The following SH3BGRL variants were observed in gnomAD, a reference collection of about 807,000 sequenced individuals.
The protein encoded by SH3BGRL is SH3 domain binding glutamate rich protein like, also known as adapter SH3BGRL.
In SH3BGRL, 7 loss-of-function variants were observed where a neutral mutation model predicts 9.8. The ratio of observed to expected loss-of-function variants is 0.72; its 90% confidence interval spans 0.41 to 1.35. The LOEUF is 1.35. Ranked by LOEUF, SH3BGRL falls within the 40% of genes most tolerant of loss-of-function variation. The pLI, the probability that SH3BGRL is intolerant of heterozygous loss-of-function variation, is 0.01. For synonymous variants in SH3BGRL, 36 were observed against 29.1 expected, an observed-to-expected ratio of 1.24 and a Z score of -0.76; for missense variants, 73 against 84.4, an observed-to-expected ratio of 0.86 and a Z score of 0.53.
At chrX:81,210,067 CT>C (rs1171837278) in intron 1 of SH3BGRL, among the ~76,000 whole-genome samples, 1 of 111,331 alleles carries the variant, frequency 9.0e-6, no homozygotes, top group Non-Finnish European at 1.9e-5. Flanking sequence ...ATTTCTGTCC[CT>C]TTGGCTTAGT....
chrX:81,236,783 A>T (rs947614813), intron 1 of SH3BGRL, among the ~76,000 whole-genome samples: 15 of 111,517 alleles, frequency 1.3e-4, no homozygotes, highest in Non-Finnish European at 2.3e-4. Flanking sequence ...GGAACCAATT[A>T]CCATTTAAGT....
chrX:81,275,472 C>G (rs1351275493), intron 1 of SH3BGRL, among the ~76,000 whole-genome samples: 1 of 111,716 alleles, frequency 9.0e-6, no homozygotes, highest in East Asian at 2.8e-4. Flanking sequence ...CGACAAATTA[C>G]TTGACACAAT....
intron 1 of SH3BGRL, among the ~76,000 whole-genome samples, chrX:81,257,150 T>C (rs1468053197): frequency 9.0e-6 from 1 of 111,642 alleles, no homozygotes. Context: ...ATTAACAATC[T>C]AGCTTATTTT....
chrX:81,219,938 T>G (rs1190337532), intron 1 of SH3BGRL, among the ~76,000 whole-genome samples: 1 of 111,840 alleles, frequency 8.9e-6, no homozygotes, highest in African/African-American at 3.2e-5. Flanking sequence ...TTGCATCTGT[T>G]GAACCATCTT....
chrX:81,257,107 T>G (rs2075727599), intron 1 of SH3BGRL, among the ~76,000 whole-genome samples: 1 of 111,832 alleles, frequency 8.9e-6, no homozygotes, highest in Non-Finnish European at 1.9e-5. Context: ...TAGCAGGCAC[T>G]AGATAACATG....
At chrX:81,292,717 C>T (rs1212725986) in intron 3 of SH3BGRL, among the ~76,000 whole-genome samples, 3 of 111,735 alleles carry the variant, frequency 2.7e-5, no homozygotes, top group Admixed American at 9.5e-5. Context: ...CAATTTCAGA[C>T]CATTTCTTTG....
intron 3 of SH3BGRL, among the ~76,000 whole-genome samples, chrX:81,289,324 G>A (rs1297008969): frequency 9.0e-6 from 1 of 111,620 alleles, no homozygotes; most frequent in Non-Finnish European, 1.9e-5. Flanking sequence ...ATGACTACAA[G>A]AAAACACTGT....
chrX:81,244,623 A>T (rs948499366), intron 1 of SH3BGRL, among the ~76,000 whole-genome samples: 3 of 112,128 alleles, frequency 2.7e-5, no homozygotes, highest in Non-Finnish European at 5.6e-5. Context: ...TCTGATTAAC[A>T]GCTTTAAGAA....
At chrX:81,234,455 C>T (rs2075641768) in intron 1 of SH3BGRL, among the ~76,000 whole-genome samples, 1 of 111,866 alleles carries the variant, frequency 8.9e-6, no homozygotes. Context: ...GATTATTTTG[C>T]ATTCAAATAT....
intron 1 of SH3BGRL, among the ~76,000 whole-genome samples, chrX:81,213,153 G>C (rs1015407806): frequency 2.7e-5 from 3 of 111,855 alleles, no homozygotes; most frequent in Non-Finnish European, 3.8e-5. Flanking sequence ...AAGAGATTTT[G>C]GGGAAGAAAA....
At chrX:81,204,700 C>T (rs919869211) in intron 1 of SH3BGRL, among the ~76,000 whole-genome samples, 4 of 111,194 alleles carry the variant, frequency 3.6e-5, no homozygotes, top group Non-Finnish European at 7.5e-5. Context: ...CGGGCGCCTG[C>T]AGTCCCAGCC....
intron 1 of SH3BGRL, among the ~76,000 whole-genome samples, chrX:81,258,760 G>T (rs1225007681): frequency 8.9e-6 from 1 of 111,753 alleles, no homozygotes; most frequent in East Asian, 2.8e-4. Flanking sequence ...TATTTTTCCT[G>T]GTCACAGTGT....
At chrX:81,241,411 G>T (rs1034983255) in intron 1 of SH3BGRL, among the ~76,000 whole-genome samples, 1 of 112,120 alleles carries the variant, frequency 8.9e-6, no homozygotes, top group Non-Finnish European at 1.9e-5. Context: ...CAGGCTGCCA[G>T]TTCCAAGTGG....
chrX:81,218,698 T>C (rs2075589592), intron 1 of SH3BGRL, among the ~76,000 whole-genome samples: 1 of 105,084 alleles, frequency 9.5e-6, no homozygotes, highest in Admixed American at 1.1e-4. Context: ...TATATATGTG[T>C]ATATATACAC....
At chrX:81,246,269 G>T (rs769460860) in intron 1 of SH3BGRL, among the ~76,000 whole-genome samples, 1 of 111,944 alleles carries the variant, frequency 8.9e-6, no homozygotes, top group East Asian at 2.8e-4. Context: ...TAGGTGGCCT[G>T]TTTACTCTGG....
chrX:81,208,210 C>T (rs967344414), intron 1 of SH3BGRL, among the ~76,000 whole-genome samples: 16 of 110,529 alleles, frequency 1.4e-4, no homozygotes, highest in Admixed American at 1.1e-3. Context: ...TGCAGTGAGC[C>T]GAGATCGTGC....
At chrX:81,234,282 T>TA (rs201441414) in intron 1 of SH3BGRL, among the ~76,000 whole-genome samples, 1,971 of 111,840 alleles carry the variant, frequency 0.018, 18 homozygotes, top group Middle Eastern at 0.056. Flanking sequence ...AGGCAAATGT[T>TA]AAAAAAAATC....
At chrX:81,228,087 T>C (rs2075622503) in intron 1 of SH3BGRL, among the ~76,000 whole-genome samples, 1 of 112,111 alleles carries the variant, frequency 8.9e-6, no homozygotes, top group African/African-American at 3.2e-5. Flanking sequence ...TAAGGAGCCA[T>C]AGTATTGTCA....
At chrX:81,254,340 C>A (rs139922390) in intron 1 of SH3BGRL, among the ~76,000 whole-genome samples, 88 of 111,337 alleles carry the variant, frequency 7.9e-4, no homozygotes, top group African/African-American at 2.7e-3. Flanking sequence ...CAGTTTGGAC[C>A]ATGTTTTTTT....
Sources: gnomAD v4.1 joint callset for allele counts (sites outside exome capture counted in the v4.1 genomes callset) on GRCh38, gnomAD v4.1.1 for gene constraint, MANE v1.5 for transcripts, NCBI Gene and HGNC (gene_info 2026-07-23, HGNC 2026-07-21) for gene names.